SLC36A1: variants seen among roughly 807,000 people sequenced by gnomAD.
SLC36A1 encodes proton-coupled amino acid transporter 1.
A neutral mutation model predicts 47.5 loss-of-function variants in SLC36A1; 30 were observed. That is an observed-to-expected ratio of 0.63 (90% CI 0.47 to 0.86). The LOEUF (loss-of-function observed/expected upper bound fraction) is 0.86, where lower values mean the gene tolerates loss of function less well. Among genes scored for constraint, SLC36A1 ranks in the 40% least tolerant of loss-of-function variants. SLC36A1 has a pLI of 0.00. For synonymous variants in SLC36A1, 255 were observed against 249.7 expected (o/e 1.02, Z -0.20); for missense variants, 517 against 606.0 (o/e 0.85, Z 1.54).
the SLC36A1 span, among the ~76,000 whole-genome samples, chr5:151,502,621 G>A: frequency 6.1e-5 from 9 of 148,190 alleles, no homozygotes; most frequent in Non-Finnish European, 8.8e-5. Flanking sequence ...ACACCCATTA[G>A]AAAGGTGGAA....
At chr5:151,451,181 G>C (rs6865892) in intron 1 of SLC36A1, 5 of 149,562 alleles carry the variant, frequency 3.3e-5, no homozygotes, top group African/African-American at 5.1e-5. Flanking sequence ...TTGACACCCA[G>C]GGCCAGTTCT....
chr5:151,553,376 T>A, the SLC36A1 span: 7 of 1,614,070 alleles, frequency 4.3e-6, no homozygotes, highest in Admixed American at 1.7e-5. Flanking sequence ...GCCCACTGTC[T>A]GTTGCCTTGA....
the SLC36A1 span, among the ~76,000 whole-genome samples, chr5:151,420,172 T>C: frequency 6.6e-6 from 1 of 152,198 alleles, no homozygotes; most frequent in Admixed American, 6.5e-5. Context: ...GCTCCAAAAA[T>C]CATGTGCCAA....
chr5:151,534,847 A>G, the SLC36A1 span, among the ~76,000 whole-genome samples: 1 of 151,654 alleles, frequency 6.6e-6, no homozygotes, highest in Admixed American at 6.6e-5. Flanking sequence ...ACTTCATCAC[A>G]TTGCCAGTTT....
chr5:151,517,824 A>G, the SLC36A1 span: 1 of 1,594,734 alleles, frequency 6.3e-7, no homozygotes, highest in Non-Finnish European at 8.6e-7. Flanking sequence ...GAGCCCTTGG[A>G]CTGACTTTGT....
chr5:151,463,338 T>G (rs1227326234), intron 2 of SLC36A1, among the ~76,000 whole-genome samples: 1 of 152,170 alleles, frequency 6.6e-6, no homozygotes, highest in Non-Finnish European at 1.5e-5. Flanking sequence ...GCACAGTGGA[T>G]AAGAGGGGGA....
chr5:151,551,522 G>A, the SLC36A1 span: 4 of 1,614,178 alleles, frequency 2.5e-6, no homozygotes, highest in South Asian at 1.1e-5. Context: ...GTTATAGTTC[G>A]ACCTTCTCCT....
At chr5:151,456,373 ATATTT>A (rs1039425064) in intron 1 of SLC36A1, among the ~76,000 whole-genome samples, 1 of 152,148 alleles carries the variant, frequency 6.6e-6, no homozygotes, top group Non-Finnish European at 1.5e-5. Flanking sequence ...GAGTTGAGAG[ATATTT>A]TAGTTTATGC....
downstream of SLC36A1, among the ~76,000 whole-genome samples, chr5:151,496,433 T>C (rs145873956): frequency 6.6e-6 from 1 of 152,370 alleles, no homozygotes; most frequent in East Asian, 1.9e-4. Flanking sequence ...ATTATTCGTT[T>C]TAAAAGGAAC....
chr5:151,549,274 G>A, the SLC36A1 span: 146 of 1,609,202 alleles, frequency 9.1e-5, 2 homozygotes, highest in Middle Eastern at 1.1e-3. Context: ...CATCCTCTGA[G>A]CTCATGGCCA....
the SLC36A1 span, among the ~76,000 whole-genome samples, chr5:151,410,129 G>A: frequency 6.6e-6 from 1 of 152,192 alleles, no homozygotes; most frequent in Non-Finnish European, 1.5e-5. Context: ...TGGTGGAGCT[G>A]TAATCAGAAT....
chr5:151,401,960 C>T, the SLC36A1 span, among the ~76,000 whole-genome samples: 1 of 152,092 alleles, frequency 6.6e-6, no homozygotes, highest in East Asian at 1.9e-4. Flanking sequence ...GACTTATTTT[C>T]CTATTTGGAT....
rs976251568 is a variant in SLC36A1 at position 151,490,233 on chromosome 5, A to C, written c.*1979A>C. ...CTATGTGACCAGGAATCTAGCCGGG[A>C]GTAGCAGAGGCCCTGTCTTCTGAAG... On this transcript the variant is annotated 3_prime_UTR_variant, in exon 11 of 11. Coordinates refer to ENST00000243389, the MANE Select transcript of SLC36A1 (RefSeq NM_078483.4). 1 of 152,216 alleles carries C rather than the reference A, an allele frequency of 6.6e-6. No individual in the cohort carries two copies. The highest frequency in any genetic ancestry group is 1.5e-5 in the Non-Finnish European group (1 of 68,036). 9.4% of individuals were successfully genotyped at this position (152,216 alleles called of 1,614,324 possible). A position where few individuals can be genotyped will look rare whatever the true frequency, so the allele number is the denominator to read the frequency against.
chr5:151,536,634 G>A, the SLC36A1 span, among the ~76,000 whole-genome samples: 1 of 152,148 alleles, frequency 6.6e-6, no homozygotes, highest in Non-Finnish European at 1.5e-5. Flanking sequence ...AGGAATCTCT[G>A]CTTCCCACTC....
the SLC36A1 span, among the ~76,000 whole-genome samples, chr5:151,501,595 G>C: frequency 6.7e-6 from 1 of 148,220 alleles, no homozygotes; most frequent in Non-Finnish European, 1.5e-5. Flanking sequence ...ATTATTTTCT[G>C]TCATACTGGC....
the SLC36A1 span, chr5:151,521,905 G>A: frequency 8.6e-5 from 138 of 1,613,878 alleles, no homozygotes; most frequent in South Asian, 6.8e-4. Flanking sequence ...ATAGGTCAGC[G>A]TGTCCTGGGG....
the SLC36A1 span, among the ~76,000 whole-genome samples, chr5:151,355,660 A>G: frequency 6.6e-6 from 1 of 152,228 alleles, no homozygotes; most frequent in South Asian, 2.1e-4. Context: ...AGACTCAAGC[A>G]TATCTGTATA....
At chr5:151,532,016 C>T in the SLC36A1 span, 1 of 1,593,928 alleles carries the variant, frequency 6.3e-7, no homozygotes, top group African/African-American at 1.3e-5. Context: ...GGCGCCTCCT[C>T]TGGACCTGCC....
chr5:151,493,398 C>T (rs1174175279), downstream of SLC36A1, among the ~76,000 whole-genome samples: 1 of 152,182 alleles, frequency 6.6e-6, no homozygotes, highest in African/African-American at 2.4e-5. Context: ...CCACCACCAC[C>T]ACTTCCAGTG....
Sources: gnomAD v4.1 joint callset for allele counts (sites outside exome capture counted in the v4.1 genomes callset) on GRCh38, gnomAD v4.1.1 for gene constraint, MANE v1.5 for transcripts, NCBI Gene and HGNC (gene_info 2026-07-23, HGNC 2026-07-21) for gene names.